The following LRP1B variants were observed in gnomAD, a reference collection of about 807,000 sequenced individuals.
The protein encoded by LRP1B is LDL receptor related protein 1B.
Under a neutral mutation model 556.6 loss-of-function variants are expected in LRP1B, and 217 were observed. The observed-to-expected ratio is 0.39, with a 90% CI of 0.35 to 0.44. LRP1B has a LOEUF of 0.44. Among genes scored for constraint, LRP1B ranks in the 20% least tolerant of loss-of-function variants. The pLI, the probability that LRP1B is intolerant of heterozygous loss-of-function variation, is 1.00. For missense variants in LRP1B, 5,053 were observed against 5,620.8 expected (o/e 0.90, Z 3.23); for synonymous variants, 2,047 against 1,865.8 (o/e 1.10, Z -2.50).
chr2:141,054,974 GA>G (rs869124547), intron 10 of LRP1B, 141 bp downstream of exon 10: 1 of 762,362 alleles, frequency 1.3e-6, no homozygotes. Flanking sequence ...CTTATTTTGA[GA>G]AAAATGGACA....
At chr2:140,884,607 T>G (rs977100666) in intron 24 of LRP1B, among the ~76,000 whole-genome samples, 1 of 152,148 alleles carries the variant, frequency 6.6e-6, no homozygotes, top group East Asian at 1.9e-4. Flanking sequence ...GTAACAAAAA[T>G]GTAAATAAGA....
intron 1 of LRP1B, among the ~76,000 whole-genome samples, chr2:142,080,278 G>C (rs1359731551): frequency 1.3e-5 from 2 of 152,112 alleles, no homozygotes; most frequent in African/African-American, 4.8e-5. Flanking sequence ...GTGCTATTAA[G>C]TGAATAGCCT....
intron 2 of LRP1B, among the ~76,000 whole-genome samples, chr2:141,795,857 A>AATAT (rs1198211801): frequency 0.035 from 1,733 of 49,980 alleles, 68 homozygotes; most frequent in Admixed American, 0.044. Flanking sequence ...AACCAGGAGC[A>AATAT]ATATATATAT....
chr2:141,707,416 G>A lies in LRP1B; in HGVS notation c.205+102863C>T, dbSNP rs113663597. 1.4e-3 allele frequency among the ~76,000 whole-genome samples: 209 copies of A among 152,120 alleles called. 1 individual carries two copies. Among genetic ancestry groups the A allele is most frequent in the African/African-American group, 4.9e-3 (202 of 41,508 alleles). ...GGATCTGATACCAATTCTCCATACT[G>A]TATTGTGAATTTGTAGTATTATCAC... On this transcript the variant is annotated intron_variant, in intron 2 of 90. Transcript: ENST00000389484.
chr2:141,069,044 T>C (rs564009774), intron 7 of LRP1B, among the ~76,000 whole-genome samples: 3 of 152,020 alleles, frequency 2.0e-5, no homozygotes, highest in South Asian at 2.1e-4. Flanking sequence ...TGAGCAGCAA[T>C]TTAGAAAAAT....
At chr2:142,111,142 A>G (rs1211833845) in intron 1 of LRP1B, among the ~76,000 whole-genome samples, 2 of 152,146 alleles carry the variant, frequency 1.3e-5, no homozygotes, top group African/African-American at 2.4e-5. Context: ...AGATCCAGAA[A>G]AGTATGTATG....
At chr2:141,960,302 G>C (rs1413798052) in intron 1 of LRP1B, among the ~76,000 whole-genome samples, 1 of 151,678 alleles carries the variant, frequency 6.6e-6, no homozygotes, top group Admixed American at 6.6e-5. Flanking sequence ...TCTGACTCTT[G>C]ATGCCCCCAG....
chr2:141,228,591 GTGTGTGTGTGTGTGTGTGTA>G (rs1261512354), intron 6 of LRP1B, among the ~76,000 whole-genome samples: 2 of 151,394 alleles, frequency 1.3e-5, no homozygotes, highest in East Asian at 2.0e-4. Context: ...GAGTGTGTGT[GTGTGTGTGTGTGTGTGTGTA>G]TGTGTGACAA....
chr2:141,140,272 TA>T (rs1165108159), intron 7 of LRP1B, among the ~76,000 whole-genome samples: 1 of 152,120 alleles, frequency 6.6e-6, no homozygotes, highest in Non-Finnish European at 1.5e-5. Flanking sequence ...CACTGACATA[TA>T]TATTTCATCA....
intron 59 of LRP1B, among the ~76,000 whole-genome samples, chr2:140,477,023 T>C (rs16844093): frequency 0.048 from 7,315 of 152,178 alleles, 216 homozygotes; most frequent in African/African-American, 0.052. Context: ...TTTTGAAAAG[T>C]GAATACGTCA....
intron 2 of LRP1B, among the ~76,000 whole-genome samples, chr2:141,656,969 C>T (rs112146248): frequency 2.6e-5 from 4 of 152,212 alleles, no homozygotes; most frequent in African/African-American, 7.2e-5. Flanking sequence ...CCAGTTTACA[C>T]AAATATTACA....
intron 2 of LRP1B, among the ~76,000 whole-genome samples, chr2:141,709,059 C>T (rs139635970): frequency 0.015 from 2,314 of 152,126 alleles, 79 homozygotes; most frequent in African/African-American, 0.052. Context: ...TAAAAAATGA[C>T]CCCTTTTGGG....
At chr2:140,573,850 C>T (rs1268215093) in intron 43 of LRP1B, among the ~76,000 whole-genome samples, 2 of 151,946 alleles carry the variant, frequency 1.3e-5, no homozygotes, top group Non-Finnish European at 2.9e-5. Flanking sequence ...AGGATGTTGG[C>T]CCGGCAATTC....
At chr2:141,168,293 C>G (rs951909672) in intron 7 of LRP1B, among the ~76,000 whole-genome samples, 1 of 151,974 alleles carries the variant, frequency 6.6e-6, no homozygotes, top group African/African-American at 2.4e-5. Flanking sequence ...TTGTAAATGA[C>G]GTGCATTAAA....
At chr2:140,852,613 T>C (rs1417977165) in intron 27 of LRP1B, among the ~76,000 whole-genome samples, 1 of 152,202 alleles carries the variant, frequency 6.6e-6, no homozygotes, top group Non-Finnish European at 1.5e-5. Flanking sequence ...AATGTCTGTC[T>C]GCCTTCATGA....
chr2:141,020,505 T>A (rs112866510), intron 11 of LRP1B, among the ~76,000 whole-genome samples: 99 of 152,170 alleles, frequency 6.5e-4, no homozygotes, highest in African/African-American at 2.3e-3. Context: ...CTACTAGTAC[T>A]GTGTCAGCAT....
At chr2:141,647,339 T>C (rs1355070583) in intron 2 of LRP1B, among the ~76,000 whole-genome samples, 1 of 152,176 alleles carries the variant, frequency 6.6e-6, no homozygotes, top group African/African-American at 2.4e-5. Context: ...CAAGTGTTCC[T>C]GATTAAATAA....
chr2:141,571,039 C>A (rs554144526), intron 2 of LRP1B, among the ~76,000 whole-genome samples: 2 of 151,208 alleles, frequency 1.3e-5, no homozygotes, highest in Non-Finnish European at 3.0e-5. Flanking sequence ...GGAGACACAC[C>A]CCGTCCACCA....
chr2:140,750,971 A>G (rs1353944657), intron 35 of LRP1B, among the ~76,000 whole-genome samples: 1 of 149,208 alleles, frequency 6.7e-6, no homozygotes, highest in Non-Finnish European at 1.5e-5. Context: ...TTACCTTCAC[A>G]GTTATAACTC....
Sources: gnomAD v4.1 joint callset for allele counts (sites outside exome capture counted in the v4.1 genomes callset) on GRCh38, gnomAD v4.1.1 for gene constraint, MANE v1.5 for transcripts, NCBI Gene and HGNC (gene_info 2026-07-23, HGNC 2026-07-21) for gene names.